RUNX1: variants seen among roughly 807,000 people sequenced by gnomAD.
The protein encoded by RUNX1 is RUNX family transcription factor 1, also known as runt-related transcription factor 1.
Under a neutral mutation model 42.8 loss-of-function variants are expected in RUNX1, and 19 were observed. The observed-to-expected ratio is 0.44, with a 90% CI of 0.31 to 0.65. The LOEUF (loss-of-function observed/expected upper bound fraction) is 0.65, where lower values mean the gene tolerates loss of function less well. Ranked by LOEUF, RUNX1 falls within the 30% of genes least tolerant of loss-of-function variation. The pLI, the probability that RUNX1 is intolerant of heterozygous loss-of-function variation, is 0.07. For synonymous variants in RUNX1, 271 were observed against 289.4 expected (o/e 0.94, Z 0.64); for missense variants, 528 against 672.0 (o/e 0.79, Z 2.37).
intron 2 of RUNX1, among the ~76,000 whole-genome samples, chr21:34,921,209 A>C (rs185853757): frequency 6.6e-6 from 1 of 152,314 alleles, no homozygotes. Context: ...ACTGTTGTGC[A>C]GCCATCACCA....
chr21:35,047,545 A>ACTCTCTCT (rs2059406132), intron 2 of RUNX1, among the ~76,000 whole-genome samples: 5 of 129,468 alleles, frequency 3.9e-5, no homozygotes, highest in East Asian at 2.8e-4. Flanking sequence ...ACACACACAC[A>ACTCTCTCT]CACACACACA....
At chr21:34,950,538 A>G (rs1423600555) in intron 2 of RUNX1, among the ~76,000 whole-genome samples, 1 of 152,228 alleles carries the variant, frequency 6.6e-6, no homozygotes, top group Non-Finnish European at 1.5e-5. Context: ...CAGGAGTTCA[A>G]GACCAGCCCG....
At chr21:34,889,545 C>T (rs1232599728) in intron 3 of RUNX1, 3 of 515,944 alleles carry the variant, frequency 5.8e-6, no homozygotes, top group African/African-American at 2.1e-5. Flanking sequence ...GCTCCCGGGC[C>T]TTGTAGCGCC....
chr21:34,855,843 C>G (rs1050201868), intron 6 of RUNX1, among the ~76,000 whole-genome samples: 1 of 152,180 alleles, frequency 6.6e-6, no homozygotes, highest in African/African-American at 2.4e-5. Context: ...ACGTGCTAAC[C>G]GAAAACAGAG....
At chr21:34,829,034 T>G (rs1046392924) in intron 7 of RUNX1, among the ~76,000 whole-genome samples, 2 of 152,202 alleles carry the variant, frequency 1.3e-5, no homozygotes, top group Non-Finnish European at 2.9e-5. Context: ...GATCTGCTAG[T>G]ATAATTATTA....
At chr21:34,808,716 C>T (rs542233219) in intron 7 of RUNX1, among the ~76,000 whole-genome samples, 2 of 152,166 alleles carry the variant, frequency 1.3e-5, no homozygotes, top group South Asian at 2.1e-4. Context: ...CACTGTCAGA[C>T]GGTTCCCAGG....
At chr21:34,866,448 T>C (rs1241829377) in intron 5 of RUNX1, among the ~76,000 whole-genome samples, 1 of 152,274 alleles carries the variant, frequency 6.6e-6, no homozygotes, top group African/African-American at 2.4e-5. Context: ...GCTTTGGGTC[T>C]AATTTTAATT....
intron 2 of RUNX1, among the ~76,000 whole-genome samples, chr21:35,017,288 T>C (rs2059166282): frequency 6.6e-6 from 1 of 152,178 alleles, no homozygotes; most frequent in Non-Finnish European, 1.5e-5. Context: ...GCTTTTTATA[T>C]TTAAATAATT....
intron 6 of RUNX1, among the ~76,000 whole-genome samples, chr21:34,839,716 T>C (rs1252774385): frequency 2.0e-5 from 3 of 152,088 alleles, no homozygotes; most frequent in South Asian, 2.1e-4. Flanking sequence ...GCCTGAGAAT[T>C]TGGAGTTCTA....
intron 5 of RUNX1, among the ~76,000 whole-genome samples, chr21:34,873,656 T>C (rs928390929): frequency 3.3e-5 from 5 of 152,182 alleles, no homozygotes; most frequent in African/African-American, 7.2e-5. Context: ...GACACCTTCA[T>C]TGGAGAACGT....
chr21:34,962,973 C>T (rs1253922119), intron 2 of RUNX1, among the ~76,000 whole-genome samples: 2 of 152,220 alleles, frequency 1.3e-5, no homozygotes, highest in African/African-American at 4.8e-5. Context: ...AAGGAGGAAA[C>T]ACCCTTGCCC....
At chr21:34,982,212 T>C (rs2146793920) in intron 2 of RUNX1, among the ~76,000 whole-genome samples, 1 of 152,300 alleles carries the variant, frequency 6.6e-6, no homozygotes, top group South Asian at 2.1e-4. Context: ...TTACCAAGGA[T>C]TTAGTCTTTT....
At chr21:35,013,186 C>T (rs2059137603) in intron 2 of RUNX1, among the ~76,000 whole-genome samples, 1 of 152,194 alleles carries the variant, frequency 6.6e-6, no homozygotes, top group Non-Finnish European at 1.5e-5. Context: ...CTTTTGTAAG[C>T]CATTGGTACC....
chr21:34,970,102 T>C (rs1460022871), intron 2 of RUNX1, among the ~76,000 whole-genome samples: 3 of 152,246 alleles, frequency 2.0e-5, no homozygotes, highest in Non-Finnish European at 2.9e-5. Flanking sequence ...AGATAATTTA[T>C]GTGGGCTACG....
intron 2 of RUNX1, among the ~76,000 whole-genome samples, chr21:35,007,336 C>T (rs894740152): frequency 9.2e-5 from 14 of 152,114 alleles, no homozygotes; most frequent in African/African-American, 2.4e-4. Context: ...TCTGGACAGA[C>T]GCTGTGGCTG....
intron 2 of RUNX1, among the ~76,000 whole-genome samples, chr21:35,010,625 GCACACACACA>G (rs113068635): frequency 4.5e-4 from 64 of 143,702 alleles, no homozygotes; most frequent in African/African-American, 1.6e-3. Context: ...ACACACACAC[GCACACACACA>G]CACACACACA....
At chr21:34,967,452 C>T (rs927528175) in intron 2 of RUNX1, among the ~76,000 whole-genome samples, 2 of 149,586 alleles carry the variant, frequency 1.3e-5, no homozygotes, top group Non-Finnish European at 3.0e-5. Flanking sequence ...ACGTCAGTGT[C>T]ACGGGGGAGG....
rs1057519750 is a variant in RUNX1 at position 34,880,580 on chromosome 21, C to T, written c.485G>A (p.Arg162Lys). 6.2e-7 allele frequency: 1 copy of T among 1,614,128 alleles called. No homozygotes were observed. Among genetic ancestry groups the T allele is most frequent in the Non-Finnish European group, 8.5e-7 (1 of 1,179,996 alleles). ...ACCTCTTCCACTTCGACCGACAAAC[C>T]TGAGGTCATTAAATCTTGCAACCTG... is the stretch of plus-strand genomic sequence containing the variant. ...KNQVARFNDL[R>K]FVGRSGRGKS... Residue 162 changes from arginine (R) to lysine (K), a missense_variant, in exon 5 of 9, where the codon AGG becomes AAG. Coordinates refer to ENST00000675419, the MANE Select transcript of RUNX1 (RefSeq NM_001754.5).
chr21:34,814,840 G>A (rs914191687), intron 7 of RUNX1, among the ~76,000 whole-genome samples: 8 of 152,100 alleles, frequency 5.3e-5, no homozygotes, highest in Non-Finnish European at 7.3e-5. Context: ...TCAGCACCTC[G>A]GGGTCTTTGC....
Sources: allele counts gnomAD v4.1 joint callset (sites outside exome capture counted in the v4.1 genomes callset), GRCh38; gene constraint gnomAD v4.1.1; transcripts MANE v1.5; gene names NCBI Gene and HGNC (gene_info 2026-07-23, HGNC 2026-07-21).